The following PKHD1 variants were observed in gnomAD, a reference collection of about 807,000 sequenced individuals.
The protein encoded by PKHD1 is PKHD1 ciliary IPT domain containing fibrocystin/polyductin.
In PKHD1, 291 loss-of-function variants were observed where a neutral mutation model predicts 412.0. The ratio of observed to expected loss-of-function variants is 0.71; its 90% CI spans 0.64 to 0.78. The LOEUF (loss-of-function observed/expected upper bound fraction) is 0.78. Ranked by LOEUF, PKHD1 falls within the 30% of genes least tolerant of loss-of-function variation. The pLI, the probability that PKHD1 is intolerant of heterozygous loss-of-function variation, is 0.00. For synonymous variants in PKHD1, 1,777 were observed against 1,821.5 expected, an observed-to-expected ratio of 0.98 and a Z score of 0.62; for missense variants, 4,825 against 4,950.7, an observed-to-expected ratio of 0.97 and a Z score of 0.76.
At chr6:51,728,844 C>A (rs572104179) in intron 60 of PKHD1, among the ~76,000 whole-genome samples, 2 of 152,360 alleles carry the variant, frequency 1.3e-5, no homozygotes, top group South Asian at 4.1e-4. Flanking sequence ...TGTTCATCAC[C>A]ATTCCAACCA....
Position 52,063,934 on chromosome 6 carries a change from C to G in PKHD1, c.976+1021G>C, listed in dbSNP as rs950750583. Among the ~76,000 whole-genome samples, 4 of 152,200 alleles carry G rather than the reference C, an allele frequency of 2.6e-5. No homozygotes were observed. In the South Asian group the frequency reaches 8.3e-4, roughly 31 times the overall value. On this transcript the variant is annotated intron_variant, in intron 13 of 66. Coordinates refer to ENST00000371117, the MANE Select transcript of PKHD1 (RefSeq NM_138694.4). Reference sequence around the variant, plus strand: ...CCTACCACTACCCAAGTAGCTAAAGCAGGAAATACTGAAAAAGGGAGCAGA... The same window carrying G: ...CCTACCACTACCCAAGTAGCTAAAGGAGGAAATACTGAAAAAGGGAGCAGA...
intron 52 of PKHD1, among the ~76,000 whole-genome samples, chr6:51,793,782 ATTTAAG>A (rs1012208635): frequency 1.3e-5 from 2 of 152,150 alleles, no homozygotes; most frequent in African/African-American, 4.8e-5. Context: ...ATTGATGGAC[ATTTAAG>A]TTTATTTCAT....
intron 23 of PKHD1, among the ~76,000 whole-genome samples, chr6:52,048,265 C>A (rs1397439980): frequency 6.6e-6 from 1 of 152,220 alleles, no homozygotes; most frequent in Non-Finnish European, 1.5e-5. Context: ...TCAGTTTCCA[C>A]AACTATACAT....
At chr6:51,976,706 T>C (rs1373656293) in intron 35 of PKHD1, among the ~76,000 whole-genome samples, 1 of 152,152 alleles carries the variant, frequency 6.6e-6, no homozygotes, top group Non-Finnish European at 1.5e-5. Flanking sequence ...TCCTAGTACT[T>C]TGGGAAGCCA....
rs968366145 is a variant in PKHD1, at chr6:51,744,658, A to C, written c.9999-116T>G. 2.1e-5 allele frequency: 16 copies of C among 778,412 alleles called. No homozygotes were observed. The African/African-American group carries it at 2.7e-4, about 13-fold the overall frequency. 48.2% of individuals were successfully genotyped at this position (778,412 alleles called of 1,614,324 possible). A position where few individuals can be genotyped will look rare whatever the true frequency, so the allele number is the denominator to read the frequency against. On this transcript the variant is annotated intron_variant, in intron 59 of 66. Transcript: ENST00000371117. ...AATTCAACAGATTTTTATTATTGAC[A>C]ATGTGTTACATAGATATAAAATAAA... is the stretch of plus-strand genomic sequence containing the variant.
chr6:52,049,725 A>C (rs1806476155), intron 22 of PKHD1, among the ~76,000 whole-genome samples: 2 of 152,206 alleles, frequency 1.3e-5, no homozygotes, highest in South Asian at 4.1e-4. Context: ...TTTCTTCTCT[A>C]GACATTTCAT....
At chr6:51,789,730 A>T (rs1019778422) in intron 53 of PKHD1, among the ~76,000 whole-genome samples, 3 of 152,168 alleles carry the variant, frequency 2.0e-5, no homozygotes, top group African/African-American at 7.2e-5. Context: ...TTTGTACCAT[A>T]GACTAAAAAG....
intron 13 of PKHD1, among the ~76,000 whole-genome samples, chr6:52,063,811 T>A (rs922513798): frequency 2.0e-5 from 3 of 152,186 alleles, no homozygotes; most frequent in Non-Finnish European, 2.9e-5. Flanking sequence ...GAACAATTGG[T>A]TTCCATAGTA....
chr6:52,038,878 T>G (rs902949117), intron 27 of PKHD1, among the ~76,000 whole-genome samples: 5 of 152,156 alleles, frequency 3.3e-5, no homozygotes, highest in African/African-American at 1.2e-4. Flanking sequence ...ACAATAAATA[T>G]AAACTGGACT....
At chr6:51,769,983 T>A (rs150286737) in intron 55 of PKHD1, among the ~76,000 whole-genome samples, 82 of 151,178 alleles carry the variant, frequency 5.4e-4, no homozygotes, top group African/African-American at 1.9e-3. Flanking sequence ...TCCATGTTTA[T>A]TATATTGTGA....
rs1352148725 is a variant in PKHD1 at position 52,056,940 on chromosome 6, A to G, written c.1552T>C (p.Trp518Arg). 1 of 1,613,876 alleles carries G rather than the reference A, an allele frequency of 6.2e-7. No homozygotes were observed. Among genetic ancestry groups the G allele is most frequent in the African/African-American group, 1.3e-5 (1 of 74,926 alleles). Residue 518 changes from tryptophan to arginine, a missense_variant, in exon 17 of 67, where the codon TGG becomes CGG. Coordinates refer to ENST00000371117, the MANE Select transcript of PKHD1 (RefSeq NM_138694.4). ...VSGRGNFFLTWDNVSSQPIPA... is the reference protein window; with the variant it reads ...VSGRGNFFLTRDNVSSQPIPA... ...ATTGGCTGACTAGAGACATTGTCCC[A>G]AGTAAGGAAGAAGTTTCCTCTGCCT...
chr6:51,801,654 T>TGTGTGTGTGTGTGTGTGTGAGAGA lies in PKHD1; in HGVS notation c.8303-10282_8303-10281insTCTCTCACACACACACACACACAC, dbSNP rs751203950. Among the ~76,000 whole-genome samples the TGTGTGTGTGTGTGTGTGTGAGAGA allele has an allele frequency of 3.6e-3, 411 of 114,204 alleles. 1 individual carries two copies. The highest frequency in any genetic ancestry group is 5.6e-3 in the Non-Finnish European group (314 of 56,206). The allele number at this position is 114,204 out of a possible 152,430, so 74.9% of individuals were successfully genotyped here. A position where few individuals can be genotyped will look rare whatever the true frequency, so the allele number is the denominator to read the frequency against. ...GCTGGCCTGATTGTGTGTGTGTGTG[T>TGTGTGTGTGTGTGTGTGTGAGAGA]GAGAGAGAGAGAGAGAGAGAGAGAG... On this transcript the variant is annotated intron_variant, in intron 52 of 66. Transcript: ENST00000371117.
intron 52 of PKHD1, among the ~76,000 whole-genome samples, chr6:51,801,639 T>TTTTGTGTGTGTGTGTGTGTGTGTGTGTG (rs1554250844): frequency 8.3e-6 from 1 of 120,136 alleles, no homozygotes; most frequent in African/African-American, 3.1e-5. Flanking sequence ...GCTGGCCTGA[T>TTTTGTGTGTGTGTGTGTGTGTGTGTGTG]TGTGTGTGTG....
chr6:51,657,113 A>C (rs1554182467), intron 61 of PKHD1, among the ~76,000 whole-genome samples: 13 of 40,226 alleles, frequency 3.2e-4, no homozygotes, highest in Non-Finnish European at 8.0e-4. Context: ...TTAAAGTATA[A>C]TAATAATAAA....
intron 57 of PKHD1, among the ~76,000 whole-genome samples, chr6:51,752,880 A>C (rs1015223322): frequency 4.6e-5 from 7 of 152,222 alleles, no homozygotes; most frequent in Non-Finnish European, 7.3e-5. Flanking sequence ...AAAGAGTAAC[A>C]GAAATTCAGG....
intron 66 of PKHD1, 148 bp downstream of exon 66, chr6:51,626,849 G>T: frequency 1.3e-6 from 1 of 773,628 alleles, no homozygotes. Context: ...TTTTTCTGCT[G>T]GGGTATAATT....
At position 52,050,258 on chromosome 6, in the gene PKHD1, G is replaced by GC. The variant is rs2128196889; in HGVS notation, c.2177dup (p.Asn727GlnfsTer39). On this transcript the variant is annotated frameshift_variant, in exon 22 of 67. Coordinates refer to ENST00000371117, the MANE Select transcript of PKHD1 (RefSeq NM_138694.4). LOFTEE classifies it high-confidence loss of function. ...CCACAGAGACTGATTCCACCAGATT[G>GC]CCCCCTGGGCGAGCCGTTCCAGAAT... is the stretch of plus-strand genomic sequence containing the variant. 1.2e-6 allele frequency: 2 copies of GC among 1,614,148 alleles called. No individual in the cohort carries two copies. Among genetic ancestry groups the GC allele is most frequent in the Non-Finnish European group, 1.7e-6 (2 of 1,179,986 alleles).
chr6:52,062,752 C>G, intron 13 of PKHD1, 92 bp from the exon 14 acceptor site: 1 of 1,476,896 alleles, frequency 6.8e-7, no homozygotes, highest in Non-Finnish European at 9.4e-7. Flanking sequence ...GAAAGATGAC[C>G]CAGATGCTAC....
rs563500894 is a variant in PKHD1 at position 51,849,036 on chromosome 6, C to G, written c.7912-1066G>C. ...TTTGCTGCACCTATTGACCCATCCT[C>G]TAAGTTCCCTCCCCTCACCTCCTAC... On this transcript the variant is annotated intron_variant, in intron 49 of 66. Transcript: ENST00000371117. Among the ~76,000 whole-genome samples the G allele has an allele frequency of 2.3e-3, 345 of 151,058 alleles. 1 individual carries two copies. The highest frequency in any genetic ancestry group is 9.7e-3 in the Admixed American group (147 of 15,148).
Sources: gnomAD v4.1 joint callset for allele counts (sites outside exome capture counted in the v4.1 genomes callset) on GRCh38, gnomAD v4.1.1 for gene constraint, MANE v1.5 for transcripts, NCBI Gene and HGNC (gene_info 2026-07-23, HGNC 2026-07-21) for gene names.